The following NEDD4L variants were observed in gnomAD, a reference collection of about 807,000 sequenced individuals.
NEDD4L encodes E3 ubiquitin-protein ligase NEDD4-like.
NEDD4L carries 54 observed loss-of-function variants against 148.9 expected under a neutral mutation model. That is an observed-to-expected ratio of 0.36 (90% confidence interval 0.29 to 0.45). NEDD4L has a LOEUF of 0.45. Among genes scored for constraint, NEDD4L ranks in the 20% least tolerant of loss-of-function variants. The pLI is 1.00. For synonymous variants in NEDD4L, 433 were observed against 440.7 expected, an observed-to-expected ratio of 0.98 and a Z score of 0.22; for missense variants, 856 against 1,233.8, an observed-to-expected ratio of 0.69 and a Z score of 4.59.
At chr18:58,341,628 A>G in intron 14 of NEDD4L, 50 bp from the exon 15 acceptor site, 1 of 1,579,482 alleles carries the variant, frequency 6.3e-7, no homozygotes, top group Non-Finnish European at 8.6e-7. Context: ...CTAATCACAC[A>G]CACCGGGAGA....
Position 58,117,662 on chromosome 18 carries a change from G to A in NEDD4L, c.49-48126G>A, listed in dbSNP as rs375253560. On this transcript the variant is annotated intron_variant, in intron 1 of 30. Coordinates refer to ENST00000400345, the MANE Select transcript of NEDD4L (RefSeq NM_001144967.3). ...GGTGTGGGCACCTGTATACATTTGCGTTGAAAAACGTACCCGGGCTATTCT... is the reference window on the plus strand; with the variant it reads ...GGTGTGGGCACCTGTATACATTTGCATTGAAAAACGTACCCGGGCTATTCT... 9.3e-4 allele frequency among the ~76,000 whole-genome samples: 141 copies of A among 152,260 alleles called. 1 individual carries two copies. Among genetic ancestry groups the A allele is most frequent in the African/African-American group, 3.1e-3 (127 of 41,542 alleles).
In NEDD4L at chr18:58,330,741, T is replaced by C. The variant is rs1019412718; in HGVS notation, c.817T>C (p.Trp273Arg). The C allele has an allele frequency of 6.3e-7, 1 of 1,590,716 alleles. No individual in the cohort carries two copies. Among genetic ancestry groups the C allele is most frequent in the African/African-American group, 1.3e-5 (1 of 74,432 alleles). Residue 273 changes from tryptophan to arginine, a missense_variant, in exon 11 of 31, where the codon TGG (tryptophan) becomes CGG (arginine). By Grantham distance (101) the Trp-to-Arg change is moderately radical. Coordinates refer to ENST00000400345, the MANE Select transcript of NEDD4L (RefSeq NM_001144967.3). ...CCAGTGTCTCCTTCTCTGAAAGCCTTGGGAGACCATTTCAGAGGAAGTGAA... is the reference window on the plus strand; with the variant it reads ...CCAGTGTCTCCTTCTCTGAAAGCCTCGGGAGACCATTTCAGAGGAAGTGAA... ...PSEGGDVPEPWETISEEVNIA... is the reference protein window; with the variant it reads ...PSEGGDVPEPRETISEEVNIA...
chr18:58,357,393 T>A, intron 19 of NEDD4L, 141 bp downstream of exon 19: 1 of 817,556 alleles, frequency 1.2e-6, no homozygotes, highest in Non-Finnish European at 2.2e-6. Flanking sequence ...TTTGCTGCCA[T>A]CTCCTTACTG....
chr18:58,155,259 C>G (rs1256245697), intron 1 of NEDD4L, among the ~76,000 whole-genome samples: 2 of 116,324 alleles, frequency 1.7e-5, no homozygotes, highest in Non-Finnish European at 3.4e-5. Flanking sequence ...TTGCGACTAT[C>G]TTGTGTTTTG....
At chr18:58,047,315 A>G in intron 1 of NEDD4L, 2 of 984,774 alleles carry the variant, frequency 2.0e-6, no homozygotes, top group South Asian at 4.7e-5. Context: ...GTAGATTCGT[A>G]TTTTGATTTG....
Position 58,044,491 on chromosome 18 carries a change from G to C in NEDD4L, c.-170G>C. ...GGAAGCGGTGCCGGCAGCGTCCAGG[G>C]CGCGCTCTCGGGCACCCTCACCTGC... is the stretch of plus-strand genomic sequence containing the variant. On this transcript the variant is annotated 5_prime_UTR_variant, in exon 1 of 31. Transcript: ENST00000400345. 3 of 844,254 alleles carry C rather than the reference G, an allele frequency of 3.6e-6. No individual in the cohort carries two copies. Among genetic ancestry groups the C allele is most frequent in the Non-Finnish European group, 4.8e-6 (3 of 630,824 alleles). The allele number at this position is 844,254 out of a possible 1,614,324, so 52.3% of individuals were successfully genotyped here. A position where few individuals can be genotyped will look rare whatever the true frequency, so the allele number is the denominator to read the frequency against.
intron 1 of NEDD4L, among the ~76,000 whole-genome samples, chr18:58,047,771 G>T (rs1396529711): frequency 6.6e-6 from 1 of 152,136 alleles, no homozygotes; most frequent in Non-Finnish European, 1.5e-5. Flanking sequence ...ACTAGTTTCT[G>T]CATCTGGCTT....
chr18:58,326,174 G>A (rs1262933027), intron 9 of NEDD4L, among the ~76,000 whole-genome samples: 2 of 152,288 alleles, frequency 1.3e-5, no homozygotes, highest in East Asian at 3.9e-4. Context: ...TGGGTGGGGA[G>A]GGTGGCCAAG....
chr18:58,166,988 T>A (rs6566941), intron 2 of NEDD4L, among the ~76,000 whole-genome samples: 1 of 152,200 alleles, frequency 6.6e-6, no homozygotes. Flanking sequence ...TCATGCATGA[T>A]TGAGTTTTGT....
chr18:58,256,029 C>T lies in NEDD4L; in HGVS notation c.297+3975C>T. Reference sequence around the variant, plus strand: ...CCCGACCCCAGGGACCAGGCCTCCGCCACTGCCACCACGAGGGCCTCGCCC... The same window carrying T: ...CCCGACCCCAGGGACCAGGCCTCCGTCACTGCCACCACGAGGGCCTCGCCC... On this transcript the variant is annotated intron_variant, in intron 5 of 30. Coordinates refer to ENST00000400345, the MANE Select transcript of NEDD4L (RefSeq NM_001144967.3). This position sits in a 1 kb window ranked among gnomAD's most constrained non-coding sequence, Gnocchi z 5.2. The T allele has an allele frequency of 8.1e-7, 1 of 1,229,946 alleles. No individual in the cohort carries two copies. Among genetic ancestry groups the T allele is most frequent in the African/African-American group, 1.6e-5 (1 of 64,410 alleles). 76.2% of individuals were successfully genotyped at this position (1,229,946 alleles called of 1,614,324 possible).
In NEDD4L at chr18:58,389,165, C is replaced by T. The variant is rs1046295060; in HGVS notation, c.2628C>T (p.Asn876=). ...HSIYKNGYCP[N]HPVIQWFWKA... is the part of the protein sequence containing the mutation. ...TTTACAAGAACGGCTACTGCCCAAACCACCCCGTCATTCAGTGGTTCTGGA... is the reference window on the plus strand; with the variant it reads ...TTTACAAGAACGGCTACTGCCCAAATCACCCCGTCATTCAGTGGTTCTGGA... The change falls in exon 28 of 31, where the codon AAC becomes AAT. Residue 876 remains asparagine, a synonymous_variant. Transcript: ENST00000400345. The T allele has an allele frequency of 2.5e-6, 4 of 1,613,796 alleles. No homozygotes were observed. Among genetic ancestry groups the T allele is most frequent in the Admixed American group, 1.7e-5 (1 of 60,020 alleles).
At chr18:58,122,714 C>T (rs890156895) in intron 1 of NEDD4L, among the ~76,000 whole-genome samples, 1 of 152,018 alleles carries the variant, frequency 6.6e-6, no homozygotes, top group African/African-American at 2.4e-5. Flanking sequence ...ACCCATCCCA[C>T]TGATGGATTT....
rs1167966217 is a variant in NEDD4L, at chr18:58,175,131, A to G, written c.122+9270A>G. Among the ~76,000 whole-genome samples the G allele has an allele frequency of 3.3e-5, 5 of 152,188 alleles. No homozygotes were observed. In the East Asian group the frequency reaches 9.6e-4, roughly 29 times the overall value. On this transcript the variant is annotated intron_variant, in intron 2 of 30. Coordinates refer to ENST00000400345, the MANE Select transcript of NEDD4L (RefSeq NM_001144967.3). ...GGAGCACTGAAACAAAAAAATGCAA[A>G]TCCTGAGCCAACGTTTGGGAGATCC...
At chr18:58,391,286 T>C (rs1321364677) in intron 29 of NEDD4L, among the ~76,000 whole-genome samples, 2 of 152,208 alleles carry the variant, frequency 1.3e-5, no homozygotes, top group Non-Finnish European at 2.9e-5. Flanking sequence ...TTCTGGAGAC[T>C]AAGCAGAGTC....
chr18:58,367,920 G>C (rs2055956810), intron 22 of NEDD4L, 53 bp downstream of exon 22: 2 of 1,599,046 alleles, frequency 1.3e-6, no homozygotes, highest in Non-Finnish European at 1.7e-6. Flanking sequence ...TTTGCTAGTA[G>C]GTGTCTTATC....
intron 1 of NEDD4L, among the ~76,000 whole-genome samples, chr18:58,094,520 C>T (rs1383459142): frequency 4.6e-5 from 7 of 152,140 alleles, no homozygotes; most frequent in African/African-American, 9.7e-5. Context: ...CCGCCCTGGC[C>T]GGCTGGACGA....
chr18:58,284,080 C>T (rs986107207), intron 5 of NEDD4L, among the ~76,000 whole-genome samples: 2 of 152,214 alleles, frequency 1.3e-5, no homozygotes, highest in Non-Finnish European at 2.9e-5. Context: ...AACCACCCTG[C>T]CCATATCTTG....
chr18:58,285,498 T>A (rs910901204), intron 5 of NEDD4L, among the ~76,000 whole-genome samples: 1 of 152,148 alleles, frequency 6.6e-6, no homozygotes, highest in African/African-American at 2.4e-5. Flanking sequence ...AGAATTCAGA[T>A]TCCTCTCCTA....
chr18:58,245,585 A>C (rs1369441978), intron 3 of NEDD4L, 77 bp downstream of exon 3: 1 of 723,874 alleles, frequency 1.4e-6, no homozygotes, highest in African/African-American at 1.8e-5. Flanking sequence ...GCTGCTTAAC[A>C]CCTTTTTGGT....
Sources: gnomAD v4.1 joint callset for allele counts (sites outside exome capture counted in the v4.1 genomes callset) on GRCh38, gnomAD v4.1.1 for gene constraint, Gnocchi (gnomAD v3.1) non-coding constraint, MANE v1.5 for transcripts, NCBI Gene and HGNC (gene_info 2026-07-23, HGNC 2026-07-21) for gene names.